The following PTPRN2 variants were observed in gnomAD, a reference collection of about 807,000 sequenced individuals.
PTPRN2 encodes protein tyrosine phosphatase receptor type N2, also known as receptor-type tyrosine-protein phosphatase N2.
Under a neutral mutation model 118.8 loss-of-function variants are expected in PTPRN2, and 74 were observed. The observed-to-expected ratio is 0.62, with a 90% CI of 0.52 to 0.76. The LOEUF (loss-of-function observed/expected upper bound fraction) is 0.76. PTPRN2 is among the 30% of genes least tolerant of loss of function. PTPRN2 has a pLI of 0.00. For synonymous variants in PTPRN2, 641 were observed against 608.0 expected (o/e 1.05, Z -0.80); for missense variants, 1,481 against 1,394.4 (o/e 1.06, Z -0.99).
chr7:157,848,472 G>A (rs917037623), intron 12 of PTPRN2, among the ~76,000 whole-genome samples: 23 of 152,136 alleles, frequency 1.5e-4, no homozygotes, highest in South Asian at 4.2e-4. Context: ...TGCATCATGC[G>A]TGCCCAATGT....
At chr7:158,425,179 CTA>C (rs1344043400) in intron 2 of PTPRN2, among the ~76,000 whole-genome samples, 34 of 35,354 alleles carry the variant, frequency 9.6e-4, no homozygotes, top group African/African-American at 2.4e-3. Flanking sequence ...CGAGACCAGT[CTA>C]GCTGAGGCCT....
intron 3 of PTPRN2, among the ~76,000 whole-genome samples, chr7:158,307,938 C>T (rs1801415446): frequency 6.6e-6 from 1 of 151,970 alleles, no homozygotes; most frequent in Non-Finnish European, 1.5e-5. Context: ...GCATGCTCAG[C>T]CTCCTCATCA....
intron 14 of PTPRN2, among the ~76,000 whole-genome samples, chr7:157,655,305 G>T (rs1332882773): frequency 5.9e-5 from 9 of 152,214 alleles, no homozygotes; most frequent in African/African-American, 2.2e-4. Flanking sequence ...CTAGAACTGC[G>T]TGTTTCCCAC....
rs1400879584 is a variant in PTPRN2 at position 157,690,944 on chromosome 7, C to T, written c.1789-8007G>A. ...CGGGCTCCGGACGGTCCCGGTAGGG[C>T]CGCCGGCCGCGCGCGTAGCACCAAC... On this transcript the variant is annotated intron_variant, in intron 12 of 22. Coordinates refer to ENST00000389418, the MANE Select transcript of PTPRN2 (RefSeq NM_002847.5). The surrounding 1 kb of genome is among the most constrained non-coding windows in gnomAD (Gnocchi z 7.1). Among the ~76,000 whole-genome samples, 2 of 145,720 alleles carry T rather than the reference C, an allele frequency of 1.4e-5. No individual in the cohort carries two copies. Among genetic ancestry groups the T allele is most frequent in the African/African-American group, 2.5e-5 (1 of 40,608 alleles).
intron 9 of PTPRN2, among the ~76,000 whole-genome samples, chr7:158,123,410 G>T (rs1044383135): frequency 1.3e-5 from 2 of 152,188 alleles, no homozygotes; most frequent in African/African-American, 4.8e-5. Flanking sequence ...CGACGCCGCA[G>T]TGACCGACAC....
chr7:158,229,858 T>C (rs1829052256), intron 3 of PTPRN2, among the ~76,000 whole-genome samples: 1 of 151,892 alleles, frequency 6.6e-6, no homozygotes. Flanking sequence ...TTCTCAAAAC[T>C]TGAGAAAGAC....
At position 158,179,258 on chromosome 7, in the gene PTPRN2, G is replaced by A. The variant is rs146821570; in HGVS notation, c.550-11967C>T. 4.6e-3 allele frequency among the ~76,000 whole-genome samples: 702 copies of A among 152,238 alleles called. 7 individuals carry two copies. The highest frequency in any genetic ancestry group is 5.7e-3 in the Admixed American group (87 of 15,296). On this transcript the variant is annotated intron_variant, in intron 5 of 22. Coordinates refer to ENST00000389418, the MANE Select transcript of PTPRN2 (RefSeq NM_002847.5). Reference sequence around the variant, plus strand: ...AATTTGCATTTCCTTGATGATTAGTGATGTTGAGCATTTTTTTCATATGTT... The same window carrying A: ...AATTTGCATTTCCTTGATGATTAGTAATGTTGAGCATTTTTTTCATATGTT...
chr7:158,010,511 A>C (rs1038484528), intron 11 of PTPRN2, among the ~76,000 whole-genome samples: 3 of 152,224 alleles, frequency 2.0e-5, no homozygotes, highest in African/African-American at 7.2e-5. Context: ...TACAAACATC[A>C]GTTCTGTTTT....
intron 12 of PTPRN2, among the ~76,000 whole-genome samples, chr7:157,750,457 C>G (rs1341258887): frequency 6.6e-6 from 1 of 152,174 alleles, no homozygotes; most frequent in Non-Finnish European, 1.5e-5. Flanking sequence ...AAGATGCCAC[C>G]CAGGTGAGCT....
intron 11 of PTPRN2, among the ~76,000 whole-genome samples, chr7:157,978,775 T>C (rs1281884866): frequency 6.6e-6 from 1 of 151,952 alleles, no homozygotes; most frequent in Non-Finnish European, 1.5e-5. Context: ...CCCCTGATTT[T>C]CTGTCACAGT....
At chr7:158,340,436 G>C (rs62481708) in intron 2 of PTPRN2, among the ~76,000 whole-genome samples, 4 of 14,560 alleles carry the variant, frequency 2.7e-4, no homozygotes, top group South Asian at 4.7e-3. Context: ...CACTCTCACC[G>C]TAAGAGCTGA....
intron 2 of PTPRN2, among the ~76,000 whole-genome samples, chr7:158,471,029 CAG>C (rs1294670225): frequency 3.9e-5 from 6 of 152,132 alleles, no homozygotes; most frequent in Non-Finnish European, 8.8e-5. Context: ...TTAGTGGAGA[CAG>C]GGTTTCACCA....
chr7:158,231,189 C>T (rs1829144410), intron 3 of PTPRN2, among the ~76,000 whole-genome samples: 1 of 152,116 alleles, frequency 6.6e-6, no homozygotes, highest in African/African-American at 2.4e-5. Flanking sequence ...ATCACTTGAG[C>T]ATGGAAGGTC....
chr7:157,905,851 CG>C (rs1445855976), intron 11 of PTPRN2, among the ~76,000 whole-genome samples: 2 of 152,144 alleles, frequency 1.3e-5, no homozygotes. Context: ...GCTTTCTGGA[CG>C]GCACCACTGG....
intron 12 of PTPRN2, among the ~76,000 whole-genome samples, chr7:157,824,650 C>T (rs1290179070): frequency 5.3e-5 from 8 of 152,184 alleles, no homozygotes; most frequent in African/African-American, 1.4e-4. Context: ...TGAGACCTGG[C>T]TCGACAGGAA....
chr7:158,317,818 A>T (rs1402795811), intron 2 of PTPRN2, among the ~76,000 whole-genome samples: 1 of 152,182 alleles, frequency 6.6e-6, no homozygotes, highest in East Asian at 1.9e-4. Flanking sequence ...ATTAGCAGAA[A>T]CACATTTGCC....
At chr7:157,613,931 C>G (rs1802571644) in intron 15 of PTPRN2, 1 of 441,462 alleles carries the variant, frequency 2.3e-6, no homozygotes, top group African/African-American at 2.0e-5. Flanking sequence ...CCTTACAGGC[C>G]ACATGGCCAG....
At chr7:158,358,604 C>T (rs111551478) in intron 2 of PTPRN2, among the ~76,000 whole-genome samples, 4 of 152,330 alleles carry the variant, frequency 2.6e-5, no homozygotes, top group African/African-American at 7.2e-5. Context: ...TCTATTTACA[C>T]GACAGAATGG....
At chr7:157,963,606 G>A (rs1352213577) in intron 11 of PTPRN2, among the ~76,000 whole-genome samples, 8 of 152,202 alleles carry the variant, frequency 5.3e-5, no homozygotes, top group African/African-American at 1.7e-4. Context: ...TTCCATAATG[G>A]CCAGGCAGCC....
Sources: gnomAD v4.1 joint callset for allele counts (sites outside exome capture counted in the v4.1 genomes callset) on GRCh38, gnomAD v4.1.1 for gene constraint, Gnocchi (gnomAD v3.1) non-coding constraint, MANE v1.5 for transcripts, NCBI Gene and HGNC (gene_info 2026-07-23, HGNC 2026-07-21) for gene names.